Variants in HYDIN observed in about 807,000 individuals in gnomAD.
HYDIN encodes HYDIN axonemal central pair apparatus protein.
A neutral mutation model predicts 403.9 loss-of-function variants in HYDIN; 132 were observed. The observed-to-expected ratio is 0.33, with a 90% CI of 0.28 to 0.38. HYDIN has a LOEUF of 0.38. Ranked by LOEUF, HYDIN falls within the 10% of genes least tolerant of loss-of-function variation. HYDIN has a pLI of 1.00. For synonymous variants in HYDIN, 1,202 were observed against 1,891.7 expected, an observed-to-expected ratio of 0.64 and a Z score of 9.46; for missense variants, 2,827 against 5,009.5, an observed-to-expected ratio of 0.56 and a Z score of 13.15.
In HYDIN at chr16:70,810,003, G is replaced by C; in HGVS notation, c.14663C>G (p.Thr4888Arg). 1 of 1,613,988 alleles carries C rather than the reference G, an allele frequency of 6.2e-7. No homozygotes were observed. The highest frequency in any genetic ancestry group is 8.5e-7 in the Non-Finnish European group (1 of 1,179,884). Residue 4888 changes from threonine to arginine, a missense_variant, in exon 85 of 86, where the codon ACG becomes AGG. Physicochemically the swap from Thr to Arg is moderately conservative, Grantham distance 71. Transcript: ENST00000393567. ...CAGGGGCTGAAATTCAAATGAGAACGTGCCCTGGAAGAGAAAACAGAGGAT... is the reference window on the plus strand; with the variant it reads ...CAGGGGCTGAAATTCAAATGAGAACCTGCCCTGGAAGAGAAAACAGAGGAT... ...QFVVPANSEG[T>R]FSFEFQPLKA...
intron 5 of HYDIN, among the ~76,000 whole-genome samples, chr16:71,174,075 T>C (rs1045366366): frequency 6.6e-6 from 1 of 152,170 alleles, no homozygotes; most frequent in Non-Finnish European, 1.5e-5. Flanking sequence ...ACTTCAACAA[T>C]ATGCAACAAA....
chr16:71,182,423 A>G (rs1005483532), intron 3 of HYDIN, among the ~76,000 whole-genome samples: 2 of 152,014 alleles, frequency 1.3e-5, no homozygotes, highest in Admixed American at 6.6e-5. Flanking sequence ...GGTGGAGAAC[A>G]TGGTGAGAAG....
At chr16:71,034,020 AT>A (rs1460326127) in intron 18 of HYDIN, among the ~76,000 whole-genome samples, 3 of 152,106 alleles carry the variant, frequency 2.0e-5, no homozygotes, top group African/African-American at 7.2e-5. Flanking sequence ...TCTCCAGTTC[AT>A]CAGAAAAGAG....
intron 18 of HYDIN, among the ~76,000 whole-genome samples, chr16:71,032,194 C>T (rs1403061096): frequency 1.3e-5 from 2 of 152,002 alleles, no homozygotes; most frequent in Admixed American, 6.6e-5. Context: ...CTCAAACAAG[C>T]TTATAATTAT....
Position 71,031,199 on chromosome 16 carries a change from CAAAAAAA to C in HYDIN, c.2768+473_2768+479del, listed in dbSNP as rs376968331. 2.4e-4 allele frequency among the ~76,000 whole-genome samples: 6 copies of C among 25,214 alleles called. No individual in the cohort carries two copies. In the South Asian group the frequency reaches 5.3e-3, roughly 22 times the overall value. The allele number at this position is 25,214 out of a possible 152,430, so 16.5% of individuals were successfully genotyped here. On this transcript the variant is annotated intron_variant, in intron 19 of 85. Transcript: ENST00000393567. Reference sequence around the variant, plus strand: ...TAGGCCACAGAGCAAGACTCCATCTCAAAAAAAAAAAAAAAAAAAAAAAAAAGCTGCT... The same window carrying C: ...TAGGCCACAGAGCAAGACTCCATCTCAAAAAAAAAAAAAAAAAAAGCTGCT...
At chr16:71,202,092 A>G (rs2088048912) in intron 1 of HYDIN, among the ~76,000 whole-genome samples, 1 of 152,218 alleles carries the variant, frequency 6.6e-6, no homozygotes, top group South Asian at 2.1e-4. Flanking sequence ...TGATTCTGTC[A>G]ACACCAGAGT....
chr16:70,941,538 A>T (rs2077672734), intron 43 of HYDIN, 98 bp downstream of exon 43: 2 of 921,086 alleles, frequency 2.2e-6, no homozygotes, highest in East Asian at 5.9e-5. Flanking sequence ...AAGCAGAAAT[A>T]CAACTCCTGG....
At chr16:71,108,408 A>T (rs1428385649) in intron 10 of HYDIN, among the ~76,000 whole-genome samples, 1 of 152,162 alleles carries the variant, frequency 6.6e-6, no homozygotes, top group South Asian at 2.1e-4. Context: ...GGGAGGCTGC[A>T]GTGAGAGGAG....
At chr16:71,074,091 T>C (rs1179708131) in intron 13 of HYDIN, among the ~76,000 whole-genome samples, 1 of 152,248 alleles carries the variant, frequency 6.6e-6, no homozygotes, top group East Asian at 1.9e-4. Flanking sequence ...GACTCCTTTT[T>C]AGGAATGGAA....
chr16:71,136,800 A>C (rs11075880), intron 8 of HYDIN, among the ~76,000 whole-genome samples: 57 of 144,306 alleles, frequency 3.9e-4, no homozygotes, highest in Non-Finnish European at 3.2e-4. Context: ...CAAAAAAAAA[A>C]CCTGATCAAC....
rs891717660 is a variant in HYDIN at position 70,908,466 on chromosome 16, G to T, written c.8214-32C>A. The T allele has an allele frequency of 7.9e-6, 8 of 1,006,844 alleles. No individual in the cohort carries two copies. The South Asian group carries it at 1.3e-4, about 17-fold the overall frequency. The allele number at this position is 1,006,844 out of a possible 1,614,324, so 62.4% of individuals were successfully genotyped here. The stretch of plus-strand genomic sequence containing the variant: ...ATGACCACACAGGTTTATAAAGTGA[G>T]AGTGCTCCCCTCTGGCCAAGAGAAG... On this transcript the variant is annotated intron_variant, in intron 48 of 85. Coordinates refer to ENST00000393567, the MANE Select transcript of HYDIN (RefSeq NM_001270974.2).
intron 18 of HYDIN, among the ~76,000 whole-genome samples, chr16:71,058,144 G>A (rs1175053806): frequency 5.2e-5 from 2 of 38,660 alleles, no homozygotes; most frequent in African/African-American, 1.9e-4. Flanking sequence ...ACATGCACAT[G>A]TATGTTTATT....
chr16:70,890,553 A>G (rs1414618581), intron 57 of HYDIN, among the ~76,000 whole-genome samples: 1 of 152,234 alleles, frequency 6.6e-6, no homozygotes, highest in Non-Finnish European at 1.5e-5. Flanking sequence ...CTACAGAAAT[A>G]TAAAACAACT....
intron 23 of HYDIN, among the ~76,000 whole-genome samples, chr16:71,016,491 C>T (rs2080261773): frequency 6.7e-6 from 1 of 148,804 alleles, no homozygotes; most frequent in Non-Finnish European, 1.5e-5. Flanking sequence ...TGCGGAGAAA[C>T]TGAAACCCTG....
intron 47 of HYDIN, among the ~76,000 whole-genome samples, chr16:70,917,248 T>C (rs1328730533): frequency 6.6e-6 from 1 of 152,254 alleles, no homozygotes; most frequent in Non-Finnish European, 1.5e-5. Context: ...AAGGGGTTGA[T>C]GGAAAGTTTT....
intron 7 of HYDIN, among the ~76,000 whole-genome samples, chr16:71,140,642 GT>G: frequency 1.1e-5 from 1 of 93,112 alleles, no homozygotes; most frequent in Non-Finnish European, 2.1e-5. Flanking sequence ...CTGTGCTTCC[GT>G]TTGGGTATTT....
At chr16:70,879,544 C>T in intron 61 of HYDIN, 58 bp from the exon 62 acceptor site, 1 of 1,604,096 alleles carries the variant, frequency 6.2e-7, no homozygotes, top group Admixed American at 1.7e-5. Context: ...ATGACACTCC[C>T]TACAGAGTGT....
intron 22 of HYDIN, 136 bp downstream of exon 22, chr16:71,020,038 G>A: frequency 1.6e-6 from 1 of 625,622 alleles, no homozygotes; most frequent in South Asian, 2.6e-5. Context: ...ATTTTCTGTA[G>A]TCTTCCCTGT....
In HYDIN at chr16:70,866,842, T is replaced by A. The variant is rs531971380; in HGVS notation, c.11311-513A>T. On this transcript the variant is annotated intron_variant, in intron 66 of 85. Coordinates refer to ENST00000393567, the MANE Select transcript of HYDIN (RefSeq NM_001270974.2). Reference sequence around the variant, plus strand: ...GAGTTTGAGACCAGCCTGGCCAACATGGTGAAACCCTGTCTCTGCTAAAAG... The same window carrying A: ...GAGTTTGAGACCAGCCTGGCCAACAAGGTGAAACCCTGTCTCTGCTAAAAG... 7.2e-5 allele frequency among the ~76,000 whole-genome samples: 11 copies of A among 151,960 alleles called. No homozygotes were observed. In the East Asian group the frequency reaches 2.1e-3, roughly 30 times the overall value.
Sources: gnomAD v4.1 joint callset for allele counts (sites outside exome capture counted in the v4.1 genomes callset) on GRCh38, gnomAD v4.1.1 for gene constraint, MANE v1.5 for transcripts, NCBI Gene and HGNC (gene_info 2026-07-23, HGNC 2026-07-21) for gene names.